Variants in CDKAL1 observed in about 807,000 individuals in gnomAD.
CDKAL1 encodes threonylcarbamoyladenosine tRNA methylthiotransferase.
In CDKAL1, 32 loss-of-function variants were observed where a neutral mutation model predicts 68.2. The ratio of observed to expected loss-of-function variants is 0.47; its 90% CI spans 0.35 to 0.63. CDKAL1 has a LOEUF of 0.63. CDKAL1 is among the 30% of genes least tolerant of loss of function. The pLI is 0.00. For synonymous variants in CDKAL1, 234 were observed against 244.3 expected (o/e 0.96, Z 0.39); for missense variants, 606 against 696.7 (o/e 0.87, Z 1.47).
intron 8 of CDKAL1, among the ~76,000 whole-genome samples, chr6:20,833,001 A>G (rs915984299): frequency 1.4e-4 from 21 of 152,184 alleles, no homozygotes; most frequent in African/African-American, 4.8e-4. Flanking sequence ...TATTTTCCCC[A>G]GAATTCCCAG....
chr6:20,770,322 A>C (rs1425998909), intron 7 of CDKAL1, among the ~76,000 whole-genome samples: 2 of 152,224 alleles, frequency 1.3e-5, no homozygotes, highest in Non-Finnish European at 2.9e-5. Flanking sequence ...TCTATAGAGA[A>C]AATTCTTGTG....
chr6:20,759,537 A>G (rs1233230013), intron 7 of CDKAL1, among the ~76,000 whole-genome samples: 1 of 152,180 alleles, frequency 6.6e-6, no homozygotes, highest in African/African-American at 2.4e-5. Flanking sequence ...GCGAGACCCT[A>G]TCTCAAAATA....
chr6:20,797,789 A>ATTTTATTTTATTT, intron 8 of CDKAL1, among the ~76,000 whole-genome samples: 1 of 145,464 alleles, frequency 6.9e-6, no homozygotes, highest in South Asian at 2.2e-4. Flanking sequence ...ATTTTATTTT[A>ATTTTATTTTATTT]TTTTATTTTA....
intron 13 of CDKAL1, among the ~76,000 whole-genome samples, chr6:21,156,424 CAAAAAA>C (rs372631710): frequency 1.2e-5 from 1 of 85,162 alleles, no homozygotes; most frequent in Non-Finnish European, 2.3e-5. Context: ...ACCCTGTCTC[CAAAAAA>C]AAAAAAAAAA....
chr6:20,819,607 G>A (rs1561804278), intron 8 of CDKAL1, among the ~76,000 whole-genome samples: 1 of 152,046 alleles, frequency 6.6e-6, no homozygotes, highest in Non-Finnish European at 1.5e-5. Context: ...AAGTATCTAG[G>A]CATGAAGTGT....
chr6:21,190,402 T>C (rs1417189039), intron 13 of CDKAL1, among the ~76,000 whole-genome samples: 3 of 152,044 alleles, frequency 2.0e-5, no homozygotes, highest in Non-Finnish European at 2.9e-5. Context: ...AGTCTCATTC[T>C]TGTCGCCCAG....
intron 13 of CDKAL1, among the ~76,000 whole-genome samples, chr6:21,137,707 G>A (rs898248361): frequency 6.6e-6 from 1 of 152,100 alleles, no homozygotes; most frequent in African/African-American, 2.4e-5. Context: ...ATTGTTTTCA[G>A]ATGGCAGAAA....
chr6:21,121,352 T>C, intron 13 of CDKAL1, among the ~76,000 whole-genome samples: 1 of 152,330 alleles, frequency 6.6e-6, no homozygotes, highest in East Asian at 1.9e-4. Flanking sequence ...TGCCTTGGTT[T>C]TCTCCTCTGT....
chr6:20,564,352 T>G (rs916994236), intron 4 of CDKAL1, among the ~76,000 whole-genome samples: 3 of 152,246 alleles, frequency 2.0e-5, no homozygotes, highest in Non-Finnish European at 4.4e-5. Flanking sequence ...TTTGTACAAT[T>G]TAGCTCAGTT....
intron 9 of CDKAL1, among the ~76,000 whole-genome samples, chr6:20,856,626 T>C (rs2150514717): frequency 6.6e-6 from 1 of 152,358 alleles, no homozygotes; most frequent in Non-Finnish European, 1.5e-5. Flanking sequence ...TTTGCTTTGA[T>C]ACCTTTACTA....
intron 8 of CDKAL1, among the ~76,000 whole-genome samples, chr6:20,822,251 T>C (rs187554331): frequency 1.3e-3 from 193 of 152,318 alleles, no homozygotes; most frequent in African/African-American, 4.5e-3. Flanking sequence ...AATGAAGTAA[T>C]GTTGATGAAA....
intron 11 of CDKAL1, among the ~76,000 whole-genome samples, chr6:21,030,673 G>A (rs1401912711): frequency 2.6e-5 from 4 of 152,004 alleles, no homozygotes; most frequent in Admixed American, 6.6e-5. Context: ...CTCTTCTTTC[G>A]ATGCTTTCTT....
chr6:21,117,759 AAAC>A (rs755895737), intron 13 of CDKAL1, among the ~76,000 whole-genome samples: 1 of 152,200 alleles, frequency 6.6e-6, no homozygotes, highest in African/African-American at 2.4e-5. Flanking sequence ...CTCGAAAGAC[AAAC>A]AACAGCACCC....
In CDKAL1 at chr6:20,739,409, A is replaced by C. The variant is rs1409497719; in HGVS notation, c.372-110A>C. The stretch of plus-strand genomic sequence containing the variant: ...ACCAGTTGTAAGAAAATCTTGTTTC[A>C]TGTGAGATAGGCCTGTTATTATTTG... On this transcript the variant is annotated intron_variant, in intron 5 of 15. Coordinates refer to ENST00000274695, the MANE Select transcript of CDKAL1 (RefSeq NM_017774.3). 8.3e-6 allele frequency: 5 copies of C among 599,086 alleles called. No individual in the cohort carries two copies. The East Asian group carries it at 1.4e-4, about 17-fold the overall frequency. The allele number at this position is 599,086 out of a possible 1,614,324, so 37.1% of individuals were successfully genotyped here.
intron 10 of CDKAL1, among the ~76,000 whole-genome samples, chr6:20,964,141 T>C (rs1207428486): frequency 1.3e-5 from 2 of 152,072 alleles, no homozygotes; most frequent in Non-Finnish European, 2.9e-5. Flanking sequence ...AGGGCTATTA[T>C]TAAAAAGTCA....
chr6:20,536,205 A>G (rs1763167156), intron 2 of CDKAL1, among the ~76,000 whole-genome samples: 1 of 148,284 alleles, frequency 6.7e-6, no homozygotes, highest in Non-Finnish European at 1.5e-5. Flanking sequence ...CAGTGTTGGG[A>G]TTATAGGCAT....
intron 9 of CDKAL1, among the ~76,000 whole-genome samples, chr6:20,880,120 A>G (rs778006595): frequency 2.6e-5 from 4 of 152,226 alleles, no homozygotes; most frequent in Non-Finnish European, 4.4e-5. Context: ...TTAGAATTAT[A>G]TAAGTAATTT....
At chr6:20,870,353 A>G (rs1760145410) in intron 9 of CDKAL1, among the ~76,000 whole-genome samples, 1 of 152,040 alleles carries the variant, frequency 6.6e-6, no homozygotes, top group Non-Finnish European at 1.5e-5. Context: ...TTTTTTCCCC[A>G]TTTACTTTGA....
At chr6:21,024,647 A>T (rs1278451195) in intron 11 of CDKAL1, among the ~76,000 whole-genome samples, 2 of 152,182 alleles carry the variant, frequency 1.3e-5, no homozygotes, top group Non-Finnish European at 2.9e-5. Flanking sequence ...AAGCCAATGC[A>T]AAAAAGAAAA....
Sources: allele counts gnomAD v4.1 joint callset (sites outside exome capture counted in the v4.1 genomes callset), GRCh38; gene constraint gnomAD v4.1.1; transcripts MANE v1.5; gene names NCBI Gene and HGNC (gene_info 2026-07-23, HGNC 2026-07-21).